Variants in MOCOS observed in about 807,000 individuals in gnomAD.
MOCOS encodes the protein human molybdenum cofactor sulfurase.
Under a neutral mutation model 83.6 loss-of-function variants are expected in MOCOS, and 86 were observed. That is an observed-to-expected ratio of 1.03 (90% confidence interval 0.86 to 1.23). MOCOS has a LOEUF of 1.23. Ranked by LOEUF, MOCOS falls within the 50% of genes most tolerant of loss-of-function variation. MOCOS has a pLI of 0.00. For missense variants in MOCOS, 1,120 were observed against 1,126.9 expected, an observed-to-expected ratio of 0.99 and a Z score of 0.09; for synonymous variants, 445 against 434.7, an observed-to-expected ratio of 1.02 and a Z score of -0.29.
chr18:36,224,302 C>T (rs1253764418), intron 9 of MOCOS, among the ~76,000 whole-genome samples: 1 of 152,166 alleles, frequency 6.6e-6, no homozygotes, highest in Non-Finnish European at 1.5e-5. Flanking sequence ...CCTAATTGCT[C>T]TGACTAGAAC....
At chr18:36,198,943 G>A (rs1210616548) in intron 3 of MOCOS, among the ~76,000 whole-genome samples, 187 bp downstream of exon 3, 1 of 152,238 alleles carries the variant, frequency 6.6e-6, no homozygotes, top group Non-Finnish European at 1.5e-5. Flanking sequence ...AGTAGATGCA[G>A]TGTGGGGCAG....
chr18:36,193,778 T>A (rs774657955), intron 1 of MOCOS, among the ~76,000 whole-genome samples: 51 of 152,068 alleles, frequency 3.4e-4, no homozygotes, highest in Non-Finnish European at 5.9e-4. Flanking sequence ...ATGAACACCA[T>A]CAAGAAAGTG....
chr18:36,209,827 A>G (rs572162417), intron 6 of MOCOS, among the ~76,000 whole-genome samples: 3 of 151,958 alleles, frequency 2.0e-5, no homozygotes, highest in African/African-American at 7.2e-5. Flanking sequence ...CCACATAATG[A>G]CGTTTTCTTT....
intron 9 of MOCOS, among the ~76,000 whole-genome samples, chr18:36,238,597 G>A (rs1598586404): frequency 2.1e-5 from 3 of 146,288 alleles, no homozygotes; most frequent in African/African-American, 7.5e-5. Context: ...GTGCTGAAAA[G>A]AATGTATATT....
intron 9 of MOCOS, among the ~76,000 whole-genome samples, chr18:36,229,772 A>G (rs2091531019): frequency 6.6e-6 from 1 of 151,404 alleles, no homozygotes; most frequent in East Asian, 1.9e-4. Flanking sequence ...TCTTTTGCTG[A>G]TCTAGTCTGC....
intron 11 of MOCOS, among the ~76,000 whole-genome samples, chr18:36,251,712 A>T (rs1315396937): frequency 1.3e-5 from 2 of 152,182 alleles, no homozygotes; most frequent in East Asian, 3.8e-4. Context: ...CAACTTCTAT[A>T]GACCTCAGCT....
chr18:36,264,620 A>G (rs998108475), intron 13 of MOCOS, among the ~76,000 whole-genome samples: 9 of 152,194 alleles, frequency 5.9e-5, no homozygotes, highest in Admixed American at 5.2e-4. Flanking sequence ...AGGAAACGAT[A>G]TCTGGAGAGG....
intron 6 of MOCOS, among the ~76,000 whole-genome samples, chr18:36,205,728 A>T (rs1048199885): frequency 2.0e-5 from 3 of 152,080 alleles, no homozygotes; most frequent in African/African-American, 7.2e-5. Context: ...TTGAAAGCAC[A>T]TCTGCATCCC....
chr18:36,199,979 G>C lies in MOCOS; in HGVS notation c.596G>C (p.Cys199Ser), dbSNP rs1445084993. 6.2e-7 allele frequency: 1 copy of C among 1,614,252 alleles called. No homozygotes were observed. The highest frequency in any genetic ancestry group is 8.5e-7 in the Non-Finnish European group (1 of 1,180,050). Reference protein sequence around the residue: ...NPDCQLPHLFCYPAQSNFSGV... With the variant: ...NPDCQLPHLFSYPAQSNFSGV... ...GACTGCCAGCTGCCGCATCTCTTCT[G>C]CTACCCAGCTCAGAGTAACTTTTCT... is the stretch of plus-strand genomic sequence containing the variant. Residue 199 changes from cysteine (C) to serine (S), a missense_variant, in exon 4 of 15, where the codon TGC becomes TCC. By Grantham distance (112) the Cys-to-Ser change is moderately radical. Coordinates refer to ENST00000261326, the MANE Select transcript of MOCOS (RefSeq NM_017947.4).
chr18:36,187,627 T>A lies in MOCOS; in HGVS notation c.88T>A (p.Tyr30Asn). The A allele has an allele frequency of 8.0e-7, 1 of 1,251,410 alleles. No individual in the cohort carries two copies. The highest frequency in any genetic ancestry group is 1.0e-6 in the Non-Finnish European group (1 of 997,492). 77.5% of individuals were successfully genotyped at this position (1,251,410 alleles called of 1,614,324 possible). A position where few individuals can be genotyped will look rare whatever the true frequency, so the allele number is the denominator to read the frequency against. Reference protein sequence around the residue: ...DPSAPRLAYGYGPGSLRELRA... With the variant: ...DPSAPRLAYGNGPGSLRELRA... ...GAGCGCACCGCGGCTAGCCTACGGC[T>A]ACGGCCCGGGCAGCCTGCGCGAGCT... Residue 30 changes from tyrosine to asparagine, a missense_variant, in exon 1 of 15, where the codon TAC (tyrosine) becomes AAC (asparagine). Transcript: ENST00000261326.
chr18:36,205,278 T>C lies in MOCOS; in HGVS notation c.1218+2T>C. On this transcript the variant is annotated splice_donor_variant, in intron 6 of 14. Transcript: ENST00000261326. LOFTEE classifies it high-confidence loss of function. Reference sequence around the variant, plus strand: ...GGGAACATCATTGGTTACTCCCAGGTGGGTTTTCTTTCCATCCTGCTGACT... The same window carrying C: ...GGGAACATCATTGGTTACTCCCAGGCGGGTTTTCTTTCCATCCTGCTGACT... 2 of 1,612,880 alleles carry C rather than the reference T, an allele frequency of 1.2e-6. No individual in the cohort carries two copies. Among genetic ancestry groups the C allele is most frequent in the South Asian group, 1.1e-5 (1 of 91,026 alleles).
At chr18:36,212,053 G>A (rs201195923) in intron 6 of MOCOS, among the ~76,000 whole-genome samples, 39 of 152,248 alleles carry the variant, frequency 2.6e-4, no homozygotes, top group Non-Finnish European at 5.1e-4. Flanking sequence ...TGTGGCTGGC[G>A]GTCCTAATTC....
chr18:36,199,896 G>A lies in MOCOS; in HGVS notation c.513G>A (p.Pro171=), dbSNP rs779350413. The A allele has an allele frequency of 1.8e-5, 29 of 1,613,534 alleles. No homozygotes were observed. The highest frequency in any genetic ancestry group is 1.3e-4 in the Admixed American group (8 of 59,964). Residue 171 remains proline, a synonymous_variant, in exon 4 of 15, where the codon CCG becomes CCA. Coordinates refer to ENST00000261326, the MANE Select transcript of MOCOS (RefSeq NM_017947.4). ...TGGCTATAAATGTCATATCCACCCC[G>A]GTCAGGCCAGAGGACCTGTGGTCTG... The part of the protein sequence containing the change: ...VTMAINVIST[P]VRPEDLWSAE...
intron 9 of MOCOS, 29 bp downstream of exon 9, chr18:36,220,246 C>G (rs760882685): frequency 3.1e-6 from 5 of 1,612,954 alleles, no homozygotes; most frequent in Non-Finnish European, 4.2e-6. Flanking sequence ...TTTCACAGAG[C>G]AGCTCCCAAC....
At chr18:36,262,248 T>TACACACACACACACACACACACACACACA (rs1188729473) in intron 13 of MOCOS, among the ~76,000 whole-genome samples, 7 of 2,206 alleles carry the variant, frequency 3.2e-3, no homozygotes, top group Admixed American at 0.02. Flanking sequence ...TTCGTCTCTC[T>TACACACACACACACACACACACACACACA]CTACACACAC....
intron 9 of MOCOS, among the ~76,000 whole-genome samples, chr18:36,222,383 C>T (rs963059450): frequency 1.3e-5 from 2 of 152,158 alleles, no homozygotes; most frequent in African/African-American, 4.8e-5. Context: ...TCCACATTCT[C>T]GACAACACTT....
intron 4 of MOCOS, among the ~76,000 whole-genome samples, chr18:36,202,774 G>A (rs2091419661): frequency 6.6e-6 from 1 of 152,142 alleles, no homozygotes; most frequent in Non-Finnish European, 1.5e-5. Flanking sequence ...CAATCATGGC[G>A]GAAAGGGAAG....
Position 36,269,353 on chromosome 18 carries a change from C to T in MOCOS, c.*668C>T, listed in dbSNP as rs2091692046. Reference sequence around the variant, plus strand: ...GATGGCTCACGAGCCTGAAGTTACACTCAGTGATGGCTGTGCTTATGCAGG... The same window carrying T: ...GATGGCTCACGAGCCTGAAGTTACATTCAGTGATGGCTGTGCTTATGCAGG... On this transcript the variant is annotated 3_prime_UTR_variant, in exon 15 of 15. Transcript: ENST00000261326. The T allele has an allele frequency of 6.5e-6, 1 of 153,208 alleles. No individual in the cohort carries two copies. The highest frequency in any genetic ancestry group is 6.5e-5 in the Admixed American group (1 of 15,400). 9.5% of individuals were successfully genotyped at this position (153,208 alleles called of 1,614,324 possible). A position where few individuals can be genotyped will look rare whatever the true frequency, so the allele number is the denominator to read the frequency against.
At chr18:36,235,173 G>A (rs1279757784) in intron 9 of MOCOS, among the ~76,000 whole-genome samples, 1 of 150,552 alleles carries the variant, frequency 6.6e-6, no homozygotes, top group Non-Finnish European at 1.5e-5. Context: ...GGGTACATGT[G>A]CACATTGTGC....
Sources: allele counts gnomAD v4.1 joint callset (sites outside exome capture counted in the v4.1 genomes callset), GRCh38; gene constraint gnomAD v4.1.1; transcripts MANE v1.5; gene names NCBI Gene and HGNC (gene_info 2026-07-23, HGNC 2026-07-21).